Variants in SNAP25 observed in about 807,000 individuals in gnomAD.
SNAP25 encodes the protein synaptosome associated protein 25.
A neutral mutation model predicts 28.7 loss-of-function variants in SNAP25; 3 were observed. That is an observed-to-expected ratio of 0.10 (90% CI 0.05 to 0.27). The LOEUF (loss-of-function observed/expected upper bound fraction) is 0.27, where lower values mean the gene tolerates loss of function less well. SNAP25 is among the 10% of genes least tolerant of loss of function. The pLI is 1.00. For missense variants in SNAP25, 117 were observed against 278.7 expected, an observed-to-expected ratio of 0.42 and a Z score of 4.13; for synonymous variants, 61 against 88.1, an observed-to-expected ratio of 0.69 and a Z score of 1.72.
chr20:10,263,306 A>G (rs759604699), intron 1 of SNAP25, among the ~76,000 whole-genome samples: 31 of 151,344 alleles, frequency 2.0e-4, no homozygotes, highest in Non-Finnish European at 3.7e-4. Flanking sequence ...GGCGTGAGCC[A>G]CCGCACCAGG....
At chr20:10,262,935 G>A (rs551591618) in intron 1 of SNAP25, among the ~76,000 whole-genome samples, 27 of 151,928 alleles carry the variant, frequency 1.8e-4, no homozygotes, top group Admixed American at 6.5e-4. Context: ...GGCGGTGGGG[G>A]GAGTAGTGGG....
Position 10,306,152 on chromosome 20 carries a change from T to A in SNAP25, c.576T>A (p.Ile192=). 1 of 1,613,732 alleles carries A rather than the reference T, an allele frequency of 6.2e-7. No individual in the cohort carries two copies. Residue 192 remains isoleucine (I), a synonymous_variant, in exon 8 of 8, where the codon ATT becomes ATA. Transcript: ENST00000254976. ...AGGCTGATTCCAACAAAACCAGAAT[T>A]GATGAGGCCAACCAACGTGCAACAA... is the stretch of plus-strand genomic sequence containing the variant. The part of the protein sequence containing the change: ...MEKADSNKTR[I]DEANQRATKM...
intron 1 of SNAP25, among the ~76,000 whole-genome samples, chr20:10,248,842 T>C (rs1454383197): frequency 6.6e-6 from 1 of 152,212 alleles, no homozygotes; most frequent in Non-Finnish European, 1.5e-5. Context: ...TTTCCAGATA[T>C]TATGATTCAT....
At chr20:10,298,680 T>C (rs965445778) in intron 6 of SNAP25, among the ~76,000 whole-genome samples, 14 of 152,170 alleles carry the variant, frequency 9.2e-5, no homozygotes, top group African/African-American at 3.4e-4. Context: ...CTTGAACAAG[T>C]AGCTCTCCTT....
chr20:10,297,038 G>T lies in SNAP25; in HGVS notation c.395G>T (p.Gly132Val). The change falls in exon 6 of 8, where the codon GGC becomes GTC. Residue 132 changes from glycine (G) to valine (V), a missense_variant. Physicochemically the swap from Gly to Val is moderately radical, Grantham distance 109. This residue lies in a region of SNAP25 where 88 missense variants were observed against 206.9 expected (regional missense o/e 0.43). Transcript: ENST00000254976. ...CGGGAGCAGATGGCCATCAGTGGCG[G>T]CTTCATCCGCAGGTGAGCCTCATGC... ...DEREQMAISG[G>V]FIRRVTNDAR... is the part of the protein sequence containing the mutation. 1 of 1,600,750 alleles carries T rather than the reference G, an allele frequency of 6.2e-7. No individual in the cohort carries two copies. The highest frequency in any genetic ancestry group is 2.2e-5 in the East Asian group (1 of 44,706).
intron 1 of SNAP25, among the ~76,000 whole-genome samples, chr20:10,266,930 G>A (rs947486336): frequency 6.6e-6 from 1 of 152,034 alleles, no homozygotes; most frequent in African/African-American, 2.4e-5. Context: ...CAATAGGTAG[G>A]TAGTTAGAGT....
Position 10,224,515 on chromosome 20 carries a change from A to G in SNAP25, c.-64+5538A>G, listed in dbSNP as rs545009236. Among the ~76,000 whole-genome samples, 659 of 151,972 alleles carry G rather than the reference A, an allele frequency of 4.3e-3. 7 individuals are homozygous for G. The highest frequency in any genetic ancestry group is 6.9e-3 in the Admixed American group (105 of 15,274). ...CAATATCCCTACCATTCAAAAATCAATGAAATCAGTGCTGAAAACCCCAGG... is the reference window on the plus strand; with the variant it reads ...CAATATCCCTACCATTCAAAAATCAGTGAAATCAGTGCTGAAAACCCCAGG... On this transcript the variant is annotated intron_variant, in intron 1 of 7. Coordinates refer to ENST00000254976, the MANE Select transcript of SNAP25 (RefSeq NM_130811.4).
At chr20:10,304,276 T>A (rs537619064) in intron 7 of SNAP25, among the ~76,000 whole-genome samples, 1 of 152,318 alleles carries the variant, frequency 6.6e-6, no homozygotes, top group East Asian at 1.9e-4. Context: ...ATAGTTGATA[T>A]TGTTAATCTT....
chr20:10,266,993 T>C (rs995242345), intron 1 of SNAP25, among the ~76,000 whole-genome samples: 3 of 152,142 alleles, frequency 2.0e-5, no homozygotes, highest in Non-Finnish European at 4.4e-5. Context: ...TCACAGCCAT[T>C]GGCCATGTGT....
At chr20:10,298,480 T>A (rs1379733714) in intron 6 of SNAP25, among the ~76,000 whole-genome samples, 1 of 152,218 alleles carries the variant, frequency 6.6e-6, no homozygotes, top group Non-Finnish European at 1.5e-5. Context: ...AAGTACCTCC[T>A]TAACTTTCAA....
At chr20:10,279,150 G>A (rs1259055200) in intron 3 of SNAP25, among the ~76,000 whole-genome samples, 1 of 152,156 alleles carries the variant, frequency 6.6e-6, no homozygotes, top group Non-Finnish European at 1.5e-5. Flanking sequence ...GATGAAGAAG[G>A]AGGTAGATAT....
Position 10,306,999 on chromosome 20 carries a change from A to T in SNAP25, c.*802A>T, listed in dbSNP as rs1201702763. The T allele has an allele frequency of 6.5e-6, 1 of 152,690 alleles. No homozygotes were observed. Among genetic ancestry groups the T allele is most frequent in the East Asian group, 1.9e-4 (1 of 5,176 alleles). The allele number at this position is 152,690 out of a possible 1,614,324, so 9.5% of individuals were successfully genotyped here. A position where few individuals can be genotyped will look rare whatever the true frequency, so the allele number is the denominator to read the frequency against. The stretch of plus-strand genomic sequence containing the variant: ...ATTTTAAAAAAGATGGATTTGACAC[A>T]CTCACCATTTAATCATTTCCAGCAA... On this transcript the variant is annotated 3_prime_UTR_variant, in exon 8 of 8. Coordinates refer to ENST00000254976, the MANE Select transcript of SNAP25 (RefSeq NM_130811.4).
At position 10,275,469 on chromosome 20, in the gene SNAP25, C is replaced by T. The variant is rs539096056; in HGVS notation, c.-23C>T. The T allele has an allele frequency of 5.0e-6, 8 of 1,590,442 alleles. No individual in the cohort carries two copies. The highest frequency in any genetic ancestry group is 1.1e-5 in the South Asian group (1 of 87,246). ...CGTCACTGACCCCCCAGCCCAGGCG[C>T]CCAGCCACTCCCCACCGCTACCATG... On this transcript the variant is annotated 5_prime_UTR_variant, in exon 2 of 8. Coordinates refer to ENST00000254976, the MANE Select transcript of SNAP25 (RefSeq NM_130811.4).
chr20:10,271,692 G>GA (rs1335410571), intron 1 of SNAP25, among the ~76,000 whole-genome samples: 1 of 152,128 alleles, frequency 6.6e-6, no homozygotes, highest in Non-Finnish European at 1.5e-5. Flanking sequence ...GATTGCCAAG[G>GA]AAACACAGGA....
intron 1 of SNAP25, among the ~76,000 whole-genome samples, chr20:10,225,234 GAAA>G (rs3838033): frequency 1.4e-5 from 2 of 144,710 alleles, no homozygotes; most frequent in African/African-American, 5.2e-5. Context: ...TCCCGGAGGG[GAAA>G]AAAAAAAAAC....
intron 1 of SNAP25, among the ~76,000 whole-genome samples, chr20:10,223,645 G>A (rs930656836): frequency 2.0e-5 from 3 of 151,854 alleles, no homozygotes; most frequent in Non-Finnish European, 4.4e-5. Flanking sequence ...TGAGGAAGTA[G>A]GACATGATGA....
chr20:10,252,867 G>A (rs1226438041), intron 1 of SNAP25, among the ~76,000 whole-genome samples: 1 of 148,692 alleles, frequency 6.7e-6, no homozygotes, highest in Non-Finnish European at 1.5e-5. Context: ...TAGTAAGTGT[G>A]TAACCTTAGG....
intron 7 of SNAP25, among the ~76,000 whole-genome samples, chr20:10,303,469 G>A (rs1340480718): frequency 6.6e-6 from 1 of 152,116 alleles, no homozygotes; most frequent in African/African-American, 2.4e-5. Context: ...TTTGAACATG[G>A]ATAATTCTAA....
At chr20:10,305,014 G>C (rs1474653016) in intron 7 of SNAP25, among the ~76,000 whole-genome samples, 1 of 152,046 alleles carries the variant, frequency 6.6e-6, no homozygotes, top group Non-Finnish European at 1.5e-5. Context: ...CTGCAAATAG[G>C]CCCATGTATG....
Sources: gnomAD v4.1 joint callset for allele counts (sites outside exome capture counted in the v4.1 genomes callset) on GRCh38, gnomAD v4.1.1 for gene constraint, gnomAD v4.1.1 regional missense constraint, MANE v1.5 for transcripts, NCBI Gene and HGNC (gene_info 2026-07-23, HGNC 2026-07-21) for gene names.